Variants in MAVS observed in about 807,000 individuals in gnomAD.
The protein encoded by MAVS is mitochondrial antiviral signaling protein.
Under a neutral mutation model 30.2 loss-of-function variants are expected in MAVS, and 20 were observed. That is an observed-to-expected ratio of 0.66 (90% CI 0.47 to 0.96). The LOEUF (loss-of-function observed/expected upper bound fraction) is 0.96. MAVS is among the 40% of genes least tolerant of loss of function. The pLI is 0.00. For missense variants in MAVS, 624 were observed against 701.1 expected, an observed-to-expected ratio of 0.89 and a Z score of 1.24; for synonymous variants, 278 against 293.9, an observed-to-expected ratio of 0.95 and a Z score of 0.55.
At chr20:3,862,542 A>C in intron 5 of MAVS, 129 bp downstream of exon 5, 1 of 981,348 alleles carries the variant, frequency 1.0e-6, no homozygotes, top group South Asian at 2.0e-5. Flanking sequence ...CCCAGGAAGC[A>C]AACCAGTTCC....
chr20:3,862,159 G>A, intron 4 of MAVS, 95 bp from the exon 5 acceptor site: 1 of 1,408,330 alleles, frequency 7.1e-7, no homozygotes, highest in Non-Finnish European at 9.7e-7. Context: ...CATGGTGTGG[G>A]CTGAGGCCTA....
In MAVS at chr20:3,867,773, G is replaced by T. The variant is rs1189726433; in HGVS notation, c.*1626G>T. On this transcript the variant is annotated 3_prime_UTR_variant, in exon 7 of 7. Coordinates refer to ENST00000428216, the MANE Select transcript of MAVS (RefSeq NM_020746.5). ...CAGCTGTACAGGATGGAGGATATAG[G>T]GCGTTTCCACTCCCAGCAGCCAGGT... 6.6e-6 allele frequency: 1 copy of T among 152,406 alleles called. No homozygotes were observed. The highest frequency in any genetic ancestry group is 1.9e-4 in the East Asian group (1 of 5,340). The allele number at this position is 152,406 out of a possible 1,614,324, so 9.4% of individuals were successfully genotyped here. A position where few individuals can be genotyped will look rare whatever the true frequency, so the allele number is the denominator to read the frequency against.
Position 3,857,671 on chromosome 20 carries a change from C to T in MAVS, c.154C>T (p.Arg52Trp), listed in dbSNP as rs370970889. ...LRATCTLSGN[R>W]DTLWHLFNTL... ...GGCCACCTGCACACTCTCAGGGAAC[C>T]GGGACACCCTCTGGCATCTCTTCAA... The change falls in exon 3 of 7, where the codon CGG becomes TGG. Residue 52 changes from arginine (R) to tryptophan (W), a missense_variant. Coordinates refer to ENST00000428216, the MANE Select transcript of MAVS (RefSeq NM_020746.5). The T allele has an allele frequency of 6.1e-5, 99 of 1,614,120 alleles. 1 individual carries two copies. The Admixed American group carries it at 9.7e-4, about 16-fold the overall frequency.
At position 3,874,622 on chromosome 20, in the gene MAVS, G is replaced by A. The variant is rs975904896; in HGVS notation, c.*8475G>A. The stretch of plus-strand genomic sequence containing the variant: ...GGGTATATTTGGCTTTCTCTGGTTG[G>A]TCTGGAGTTGGAAGAGGGGGTGTGG... On this transcript the variant is annotated 3_prime_UTR_variant, in exon 7 of 7. Coordinates refer to ENST00000428216, the MANE Select transcript of MAVS (RefSeq NM_020746.5). 1 of 162,406 alleles carries A rather than the reference G, an allele frequency of 6.2e-6. No individual in the cohort carries two copies. Among genetic ancestry groups the A allele is most frequent in the African/African-American group, 2.4e-5 (1 of 41,830 alleles). 10.1% of individuals were successfully genotyped at this position (162,406 alleles called of 1,614,324 possible).
At chr20:3,862,135 T>G (rs1568536643) in intron 4 of MAVS, 119 bp from the exon 5 acceptor site, 2 of 1,189,130 alleles carry the variant, frequency 1.7e-6, no homozygotes, top group Non-Finnish European at 1.2e-6. Flanking sequence ...AGGGCTCCCC[T>G]GGCTCCTGTG....
At position 3,864,660 on chromosome 20, in the gene MAVS, C is replaced by G. The variant is rs2146775654; in HGVS notation, c.1030C>G (p.Pro344Ala). 1 of 1,614,244 alleles carries G rather than the reference C, an allele frequency of 6.2e-7. No homozygotes were observed. Among genetic ancestry groups the G allele is most frequent in the African/African-American group, 1.3e-5 (1 of 75,072 alleles). Reference protein sequence around the residue: ...GAVPSNALTNPAPSKLPINST... With the variant: ...GAVPSNALTNAAPSKLPINST... ...AGTGCCTTCTAATGCGCTCACCAATCCAGCACCATCCAAATTGCCCATCAA... is the reference window on the plus strand; with the variant it reads ...AGTGCCTTCTAATGCGCTCACCAATGCAGCACCATCCAAATTGCCCATCAA... Residue 344 changes from proline to alanine, a missense_variant, in exon 6 of 7, where the codon CCA (proline) becomes GCA (alanine). Physicochemically the swap from Pro to Ala is conservative, Grantham distance 27. Transcript: ENST00000428216.
rs919557885 is a variant in MAVS, at chr20:3,862,388, A to G, written c.600A>G (p.Thr200=). Residue 200 remains threonine (T), a synonymous_variant, in exon 5 of 7, where the codon ACA becomes ACG. Transcript: ENST00000428216. ...LTSSGHQEQD[T]ELGSTHTAGA... ...CCAGCGGGCATCAGGAGCAGGACACAGAACTGGGCAGTACCCACACAGCAG... is the reference window on the plus strand; with the variant it reads ...CCAGCGGGCATCAGGAGCAGGACACGGAACTGGGCAGTACCCACACAGCAG... 6.2e-7 allele frequency: 1 copy of G among 1,613,910 alleles called. No individual in the cohort carries two copies. The highest frequency in any genetic ancestry group is 8.5e-7 in the Non-Finnish European group (1 of 1,179,998).
chr20:3,853,303 C>T (rs202110935), intron 1 of MAVS, among the ~76,000 whole-genome samples: 15 of 150,300 alleles, frequency 1.0e-4, no homozygotes, highest in Non-Finnish European at 1.9e-4. Flanking sequence ...TGGCTAACCC[C>T]GTGAAACCCC....
rs1385043360 is a variant in MAVS, at chr20:3,872,365, G to A, written c.*6218G>A. 1 of 152,270 alleles carries A rather than the reference G, an allele frequency of 6.6e-6. No individual in the cohort carries two copies. The highest frequency in any genetic ancestry group is 2.4e-5 in the African/African-American group (1 of 41,456). The allele number at this position is 152,270 out of a possible 1,614,324, so 9.4% of individuals were successfully genotyped here. A position where few individuals can be genotyped will look rare whatever the true frequency, so the allele number is the denominator to read the frequency against. ...AGGTGGGAGGATCACTTGAGCACAG[G>A]AGTTTGAAGTTACAGTGAGCTATGA... On this transcript the variant is annotated 3_prime_UTR_variant, in exon 7 of 7. Coordinates refer to ENST00000428216, the MANE Select transcript of MAVS (RefSeq NM_020746.5).
chr20:3,866,146 A>G lies in MAVS; in HGVS notation c.1622A>G (p.Ter541TrpextTer1), dbSNP rs778950321. 8 of 1,579,252 alleles carry G rather than the reference A, an allele frequency of 5.1e-6. No individual in the cohort carries two copies. Among genetic ancestry groups the G allele is most frequent in the Non-Finnish European group, 6.9e-6 (8 of 1,165,456 alleles). Reference protein sequence around the residue: ...LVVLYRRRLH* With the variant: ...LVVLYRRRLHW ...GTGCTGTACCGGCGGCGTCTGCACTAGTGAAGCCCTGGGCTCTTCCCACCA... is the reference window on the plus strand; with the variant it reads ...GTGCTGTACCGGCGGCGTCTGCACTGGTGAAGCCCTGGGCTCTTCCCACCA... Residue 541 changes from the stop codon to tryptophan, a stop_lost, in exon 7 of 7, where the codon TAG becomes TGG. Coordinates refer to ENST00000428216, the MANE Select transcript of MAVS (RefSeq NM_020746.5).
At chr20:3,855,803 G>A (rs1442512769) in intron 2 of MAVS, among the ~76,000 whole-genome samples, 3 of 152,160 alleles carry the variant, frequency 2.0e-5, no homozygotes. Context: ...TTTTGAGACG[G>A]AGTCTCGCTG....
At chr20:3,850,620 C>T (rs1409306249) in intron 1 of MAVS, among the ~76,000 whole-genome samples, 1 of 149,930 alleles carries the variant, frequency 6.7e-6, no homozygotes, top group Admixed American at 6.7e-5. Flanking sequence ...GGCGCAGTGG[C>T]TCACGCCTGT....
rs577181879 is a variant in MAVS, at chr20:3,875,174, G to C, written c.*9027G>C. On this transcript the variant is annotated 3_prime_UTR_variant, in exon 7 of 7. Transcript: ENST00000428216. ...CCAGCCTGTAATCCCAGTGATTCAG[G>C]AGACTGAGGTGGGAGGATTGCTAGA... 1.3e-5 allele frequency: 2 copies of C among 152,348 alleles called. No homozygotes were observed. Among genetic ancestry groups the C allele is most frequent in the Admixed American group, 6.5e-5 (1 of 15,296 alleles). 9.4% of individuals were successfully genotyped at this position (152,348 alleles called of 1,614,324 possible).
chr20:3,852,966 A>G lies in MAVS; in HGVS notation c.-67-1592A>G, dbSNP rs1051857816. On this transcript the variant is annotated intron_variant, in intron 1 of 6. Transcript: ENST00000428216. ...GCAATTCTCTGTCTCAGCTTCCTGA[A>G]TAGCTGGGACTGCAGGCGCCCGCCA... Among the ~76,000 whole-genome samples, 32 of 150,542 alleles carry G rather than the reference A, an allele frequency of 2.1e-4. 1 individual carries two copies. Among genetic ancestry groups the G allele is most frequent in the African/African-American group, 7.5e-4 (31 of 41,132 alleles).
In MAVS at chr20:3,867,220, G is replaced by A; in HGVS notation, c.*1073G>A. The A allele has an allele frequency of 8.1e-6, 3 of 368,276 alleles. No individual in the cohort carries two copies. Among genetic ancestry groups the A allele is most frequent in the Non-Finnish European group, 1.6e-5 (3 of 186,626 alleles). The allele number at this position is 368,276 out of a possible 1,614,324, so 22.8% of individuals were successfully genotyped here. The stretch of plus-strand genomic sequence containing the variant: ...CCTCTCACCAGCTCTGTGACCTTGG[G>A]CAAGGGATTTATCTGTCTGTCCCTT... On this transcript the variant is annotated 3_prime_UTR_variant, in exon 7 of 7. Transcript: ENST00000428216.
rs747046705 is a variant in MAVS, at chr20:3,862,210, C to A, written c.466-44C>A. ...GAGCACAAGCTGCCCTTTGTGAGCT[C>A]TTGGGAGAGGCAACTGCCTTATTCA... On this transcript the variant is annotated intron_variant, in intron 4 of 6. Transcript: ENST00000428216. 15 of 1,597,468 alleles carry A rather than the reference C, an allele frequency of 9.4e-6. No individual in the cohort carries two copies. In the African/African-American group the frequency reaches 9.4e-5, roughly 10 times the overall value.
chr20:3,850,835 G>A (rs1347231079), intron 1 of MAVS, among the ~76,000 whole-genome samples: 5 of 148,796 alleles, frequency 3.4e-5, no homozygotes, highest in East Asian at 2.0e-4. Context: ...GCAGTGAGCC[G>A]AGATTGCACC....
Position 3,865,932 on chromosome 20 carries a change from G to A in MAVS, c.1408G>A (p.Val470Met), listed in dbSNP as rs1049547523. Residue 470 changes from valine to methionine, a missense_variant, in exon 7 of 7, where the codon GTG (valine) becomes ATG (methionine). Val to Met is a conservative substitution (Grantham distance 21, BLOSUM62 1). Transcript: ENST00000428216. This position sits in a 1 kb window ranked among gnomAD's most constrained non-coding sequence, Gnocchi z 4.7. ...YKSEGTFGIH[V>M]AENPSIQLLE... ...GTCCGAGGGCACCTTTGGGATCCAC[G>A]TGGCTGAGAACCCCAGCATCCAGCT... The A allele has an allele frequency of 1.2e-5, 20 of 1,613,630 alleles. 1 individual carries two copies. Among genetic ancestry groups the A allele is most frequent in the South Asian group, 4.4e-5 (4 of 91,090 alleles).
chr20:3,856,870 C>G (rs977976440), intron 2 of MAVS, among the ~76,000 whole-genome samples: 1 of 151,824 alleles, frequency 6.6e-6, no homozygotes, highest in African/African-American at 2.4e-5. Flanking sequence ...CATGTCTCTA[C>G]TAAAAATACA....
Sources: allele counts gnomAD v4.1 joint callset (sites outside exome capture counted in the v4.1 genomes callset), GRCh38; gene constraint gnomAD v4.1.1; non-coding constraint Gnocchi (gnomAD v3.1); transcripts MANE v1.5; gene names NCBI Gene and HGNC (gene_info 2026-07-23, HGNC 2026-07-21).